Variants in PDE1A observed in about 807,000 individuals in gnomAD.
PDE1A encodes phosphodiesterase 1A.
A neutral mutation model predicts 61.7 loss-of-function variants in PDE1A; 35 were observed. The observed-to-expected ratio is 0.57, with a 90% confidence interval of 0.43 to 0.75. PDE1A has a LOEUF of 0.75. PDE1A is among the 30% of genes least tolerant of loss of function. The probability of loss-of-function intolerance (pLI) is 0.00; values close to 1 mark genes in which losing one functional copy is unlikely to be tolerated. For missense variants in PDE1A, 597 were observed against 630.6 expected, an observed-to-expected ratio of 0.95 and a Z score of 0.57; for synonymous variants, 232 against 213.2, an observed-to-expected ratio of 1.09 and a Z score of -0.77.
chr2:182,618,420 T>C, the PDE1A span, among the ~76,000 whole-genome samples: 1 of 152,186 alleles, frequency 6.6e-6, no homozygotes, highest in South Asian at 2.1e-4. Flanking sequence ...ACCCTTAGGA[T>C]GAACTCGTTA....
intron 1 of PDE1A, among the ~76,000 whole-genome samples, chr2:182,416,516 T>C (rs1163304817): frequency 6.6e-6 from 1 of 152,242 alleles, no homozygotes; most frequent in African/African-American, 2.4e-5. Flanking sequence ...TAATAAAACA[T>C]TAACTATTCC....
At chr2:182,269,568 A>C (rs1208834583) in intron 1 of PDE1A, among the ~76,000 whole-genome samples, 1 of 152,068 alleles carries the variant, frequency 6.6e-6, no homozygotes, top group East Asian at 1.9e-4. Flanking sequence ...TTTCCAGAAA[A>C]TTGATCAACT....
At chr2:182,371,948 CTT>C (rs956332642) in intron 1 of PDE1A, among the ~76,000 whole-genome samples, 1 of 152,004 alleles carries the variant, frequency 6.6e-6, no homozygotes, top group Admixed American at 6.6e-5. Flanking sequence ...CCACGCCTGG[CTT>C]TTTTTATTTT....
At chr2:182,642,945 C>A in the PDE1A span, among the ~76,000 whole-genome samples, 1 of 152,176 alleles carries the variant, frequency 6.6e-6, no homozygotes, top group African/African-American at 2.4e-5. Context: ...CAAGTTGACA[C>A]CCTTAAACTG....
intron 2 of PDE1A, among the ~76,000 whole-genome samples, chr2:182,241,048 C>T (rs1000254733): frequency 2.0e-5 from 3 of 152,282 alleles, no homozygotes; most frequent in Middle Eastern, 3.4e-3. Context: ...AATGACCACG[C>T]TCTGTATAAG....
chr2:182,416,630 A>G (rs1226470989), intron 1 of PDE1A, among the ~76,000 whole-genome samples: 3 of 152,210 alleles, frequency 2.0e-5, no homozygotes, highest in African/African-American at 7.2e-5. Context: ...GAAAACATAA[A>G]TAAGAAAAGA....
At chr2:182,360,720 G>T (rs1699453376) in intron 1 of PDE1A, among the ~76,000 whole-genome samples, 1 of 149,136 alleles carries the variant, frequency 6.7e-6, no homozygotes, top group Non-Finnish European at 1.5e-5. Context: ...ATTTTTAGAA[G>T]TTTTTTTTTT....
the PDE1A span, among the ~76,000 whole-genome samples, chr2:182,528,212 T>C: frequency 6.6e-6 from 1 of 152,172 alleles, no homozygotes; most frequent in African/African-American, 2.4e-5. Context: ...TTGACCAAAA[T>C]GCTGATAGTG....
Position 182,411,186 on chromosome 2 carries a change from T to C in PDE1A, c.53+15392A>G, listed in dbSNP as rs191732476. ...TCCTACATTAGTGTTGCATACTCTG[T>C]TTTTTCTTCAGCTTATATAAATCTT... On this transcript the variant is annotated intron_variant, in intron 1 of 13. Transcript: ENST00000351439. 7.0e-4 allele frequency among the ~76,000 whole-genome samples: 107 copies of C among 152,342 alleles called. 1 individual carries two copies. In the East Asian group the frequency reaches 0.02, roughly 28 times the overall value.
At chr2:182,658,073 C>CAAAAAACAA in the PDE1A span, among the ~76,000 whole-genome samples, 3 of 119,564 alleles carry the variant, frequency 2.5e-5, no homozygotes, top group African/African-American at 3.4e-5. Flanking sequence ...AAAAAAAAAA[C>CAAAAAACAA]AAAAAAACTT....
chr2:182,393,685 C>T (rs1701547124), intron 1 of PDE1A, among the ~76,000 whole-genome samples: 1 of 152,184 alleles, frequency 6.6e-6, no homozygotes, highest in African/African-American at 2.4e-5. Flanking sequence ...CAAGCCATTT[C>T]TTTGAACACA....
Position 182,503,040 on chromosome 2 carries a change from T to TACACACACAC in PDE1A, c.101+19226_101+19235dup, listed in dbSNP as rs35067674. ...CTCTCTCCCCCTCCCCATTCTTTCT[T>TACACACACAC]ACACACACACACACACACACACACA... On this transcript the variant is annotated intron_variant, in intron 2 of 14. Coordinates refer to the PDE1A transcript ENST00000410103. Among the ~76,000 whole-genome samples, 853 of 96,990 alleles carry TACACACACAC rather than the reference T, an allele frequency of 8.8e-3. 13 individuals carry two copies. Among genetic ancestry groups the TACACACACAC allele is most frequent in the African/African-American group, 0.025 (789 of 31,408 alleles). 63.6% of individuals were successfully genotyped at this position (96,990 alleles called of 152,430 possible).
At chr2:182,681,361 G>T in the PDE1A span, among the ~76,000 whole-genome samples, 1 of 151,784 alleles carries the variant, frequency 6.6e-6, no homozygotes, top group Non-Finnish European at 1.5e-5. Flanking sequence ...AGGCTGGAGT[G>T]CAGTGCTGCA....
At chr2:182,338,110 C>G (rs374805206) in intron 1 of PDE1A, among the ~76,000 whole-genome samples, 1 of 152,112 alleles carries the variant, frequency 6.6e-6, no homozygotes. Flanking sequence ...GACAGTCATT[C>G]AAAGATGCAT....
At chr2:182,239,709 G>C (rs1311914796) in intron 3 of PDE1A, among the ~76,000 whole-genome samples, 1 of 13,588 alleles carries the variant, frequency 7.4e-5, no homozygotes. Context: ...GCAGAGGAAG[G>C]CCTAAGTGAT....
chr2:182,319,498 T>C (rs1696566800), intron 1 of PDE1A, among the ~76,000 whole-genome samples: 1 of 152,212 alleles, frequency 6.6e-6, no homozygotes. Context: ...TATTTACTCC[T>C]ATATTTCTAA....
chr2:182,412,022 C>T (rs1292632962), intron 1 of PDE1A, among the ~76,000 whole-genome samples: 1 of 149,586 alleles, frequency 6.7e-6, no homozygotes, highest in Non-Finnish European at 1.5e-5. Flanking sequence ...CGCACCATTG[C>T]ACTCCAGCCT....
At chr2:182,183,809 A>G (rs1453616459) in intron 13 of PDE1A, among the ~76,000 whole-genome samples, 3 of 152,082 alleles carry the variant, frequency 2.0e-5, no homozygotes, top group African/African-American at 7.2e-5. Flanking sequence ...AGAGAAATAG[A>G]CATTATAAAA....
At chr2:182,617,110 C>T in the PDE1A span, among the ~76,000 whole-genome samples, 1 of 152,170 alleles carries the variant, frequency 6.6e-6, no homozygotes, top group Non-Finnish European at 1.5e-5. Flanking sequence ...TTTTTGTGTA[C>T]CTTGGAATCT....
Sources: allele counts gnomAD v4.1 joint callset (sites outside exome capture counted in the v4.1 genomes callset), GRCh38; gene constraint gnomAD v4.1.1; transcripts MANE v1.5; gene names NCBI Gene and HGNC (gene_info 2026-07-23, HGNC 2026-07-21).